The following PCP4 variants were observed in gnomAD, a reference collection of about 807,000 sequenced individuals.
PCP4 encodes Purkinje cell protein 4, also known as calmodulin regulator protein PCP4.
PCP4 carries 8 observed loss-of-function variants against 10.0 expected under a neutral mutation model. The ratio of observed to expected loss-of-function variants is 0.80; its 90% CI spans 0.47 to 1.45. The LOEUF is 1.45. Ranked by LOEUF, PCP4 falls within the 40% of genes most tolerant of loss-of-function variation. The pLI is 0.00. For missense variants in PCP4, 54 were observed against 74.4 expected, an observed-to-expected ratio of 0.73 and a Z score of 1.01; for synonymous variants, 21 against 23.0, an observed-to-expected ratio of 0.91 and a Z score of 0.24.
At chr21:39,895,091 C>T (rs1253497618) in intron 1 of PCP4, among the ~76,000 whole-genome samples, 1 of 151,800 alleles carries the variant, frequency 6.6e-6, no homozygotes, top group Non-Finnish European at 1.5e-5. Context: ...ATCCACCCAC[C>T]CATCCATCCA....
chr21:39,918,343 T>C (rs1437719567), intron 2 of PCP4, among the ~76,000 whole-genome samples: 1 of 152,188 alleles, frequency 6.6e-6, no homozygotes, highest in Non-Finnish European at 1.5e-5. Flanking sequence ...GCATTTTATA[T>C]AAGCCAGGGT....
At position 39,884,617 on chromosome 21, in the gene PCP4, C is replaced by T. The variant is rs536700783; in HGVS notation, c.10-13859C>T. Among the ~76,000 whole-genome samples, 31 of 151,838 alleles carry T rather than the reference C, an allele frequency of 2.0e-4. No homozygotes were observed. In the South Asian group the frequency reaches 6.5e-3, roughly 32 times the overall value. On this transcript the variant is annotated intron_variant, in intron 1 of 2. Transcript: ENST00000328619. ...TTCGAGACCAGCCTGGCCAACATGG[C>T]AAAACCTTGTCTCTACTAAAATTAC... is the stretch of plus-strand genomic sequence containing the variant.
chr21:39,909,944 C>T (rs1159634948), intron 2 of PCP4, among the ~76,000 whole-genome samples: 1 of 151,914 alleles, frequency 6.6e-6, no homozygotes, highest in Admixed American at 6.6e-5. Flanking sequence ...TACAGGCGCC[C>T]GCCACCACGT....
At chr21:39,869,377 G>A (rs575439717) in intron 1 of PCP4, among the ~76,000 whole-genome samples, 1 of 152,350 alleles carries the variant, frequency 6.6e-6, no homozygotes, top group Admixed American at 6.5e-5. Flanking sequence ...CGGGTAATCA[G>A]GGCAGCTCTG....
chr21:39,867,439 G>T lies in PCP4; in HGVS notation c.-63G>T. ...GAGAAAAGCCAGAACCGGTGGAGCAGCGACCCCTGAGCAGTGTTCTCTGTG... is the reference window on the plus strand; with the variant it reads ...GAGAAAAGCCAGAACCGGTGGAGCATCGACCCCTGAGCAGTGTTCTCTGTG... On this transcript the variant is annotated 5_prime_UTR_variant, in exon 1 of 3. Transcript: ENST00000328619. The T allele has an allele frequency of 6.2e-7, 1 of 1,603,026 alleles. No individual in the cohort carries two copies. Among genetic ancestry groups the T allele is most frequent in the East Asian group, 2.2e-5 (1 of 44,806 alleles).
At chr21:39,910,796 A>C (rs2087536152) in intron 2 of PCP4, among the ~76,000 whole-genome samples, 1 of 152,200 alleles carries the variant, frequency 6.6e-6, no homozygotes, top group Admixed American at 6.5e-5. Flanking sequence ...CCCCGGTTGC[A>C]GGGCCCCTGA....
At chr21:39,872,811 G>A (rs1055444356) in intron 1 of PCP4, among the ~76,000 whole-genome samples, 1 of 152,144 alleles carries the variant, frequency 6.6e-6, no homozygotes, top group Non-Finnish European at 1.5e-5. Flanking sequence ...TGAGGCTTGT[G>A]GTTGGGATAC....
At chr21:39,914,987 T>C (rs2087561923) in intron 2 of PCP4, among the ~76,000 whole-genome samples, 1 of 152,122 alleles carries the variant, frequency 6.6e-6, no homozygotes, top group Admixed American at 6.5e-5. Context: ...ATAGACCTAG[T>C]GCAGAATGAA....
At chr21:39,894,607 T>C (rs1039098403) in intron 1 of PCP4, among the ~76,000 whole-genome samples, 3 of 152,230 alleles carry the variant, frequency 2.0e-5, no homozygotes, top group Admixed American at 6.5e-5. Context: ...CATGATACCA[T>C]TGAATCATTT....
chr21:39,868,163 C>A (rs2087303107), intron 1 of PCP4, among the ~76,000 whole-genome samples: 1 of 152,212 alleles, frequency 6.6e-6, no homozygotes, highest in Non-Finnish European at 1.5e-5. Context: ...CTGGGGCCAA[C>A]TGACAGCACG....
In PCP4 at chr21:39,906,980, T is replaced by C. The variant is rs1028881891; in HGVS notation, c.61+8453T>C. 6.6e-6 allele frequency among the ~76,000 whole-genome samples: 1 copy of C among 152,194 alleles called. No individual in the cohort carries two copies. The highest frequency in any genetic ancestry group is 2.4e-5 in the African/African-American group (1 of 41,448). ...TAAGTAGGTGAAACACTCATAATCT[T>C]ATTTATAGAATTAATGTGCACAGCA... On this transcript the variant is annotated intron_variant, in intron 2 of 2. Coordinates refer to ENST00000328619, the MANE Select transcript of PCP4 (RefSeq NM_006198.3). This position sits in a 1 kb window ranked among gnomAD's most constrained non-coding sequence, Gnocchi z 6.3.
chr21:39,887,810 T>G (rs7283548), intron 1 of PCP4, among the ~76,000 whole-genome samples: 1,918 of 152,328 alleles, frequency 0.013, 30 homozygotes, highest in African/African-American at 0.043. Flanking sequence ...CAGGCCTTTT[T>G]GTTTCTTTAT....
intron 2 of PCP4, among the ~76,000 whole-genome samples, chr21:39,914,573 C>CAAAAAAAAAAAAAAAAA (rs55775259): frequency 8.4e-6 from 1 of 118,936 alleles, no homozygotes; most frequent in Admixed American, 9.4e-5. Flanking sequence ...AGAGCTGTCT[C>CAAAAAAAAAAAAAAAAA]AAAAAAAAAA....
At chr21:39,898,593 G>C in intron 2 of PCP4, 66 bp downstream of exon 2, 1 of 1,262,138 alleles carries the variant, frequency 7.9e-7, no homozygotes. Context: ...TATGCAGCAG[G>C]TGCGGATCAT....
chr21:39,920,277 AGTGTGTGTGGTGT>A (rs933955431), intron 2 of PCP4, among the ~76,000 whole-genome samples: 22 of 54,878 alleles, frequency 4.0e-4, no homozygotes, highest in African/African-American at 1.6e-3. Context: ...TGTGTGGTGT[AGTGTGTGTGGTGT>A]GTGTGTGTGG....
At chr21:39,893,884 G>C (rs770150829) in intron 1 of PCP4, among the ~76,000 whole-genome samples, 1 of 152,212 alleles carries the variant, frequency 6.6e-6, no homozygotes, top group Admixed American at 6.5e-5. Flanking sequence ...GGGAGGGCCA[G>C]TGTCTCTGAT....
rs1161731337 is a variant in PCP4, at chr21:39,929,340, T to C, written c.*229T>C. 2.8e-6 allele frequency: 1 copy of C among 358,306 alleles called. No individual in the cohort carries two copies. Among genetic ancestry groups the C allele is most frequent in the Non-Finnish European group, 5.0e-6 (1 of 201,028 alleles). The allele number at this position is 358,306 out of a possible 1,614,324, so 22.2% of individuals were successfully genotyped here. ...CTATGTTTCTCTCCATTTTCATTCC[T>C]CCTGCAACTATTTTCCTTGATGTTG... is the stretch of plus-strand genomic sequence containing the variant. On this transcript the variant is annotated 3_prime_UTR_variant, in exon 3 of 3. Coordinates refer to ENST00000328619, the MANE Select transcript of PCP4 (RefSeq NM_006198.3).
intron 2 of PCP4, among the ~76,000 whole-genome samples, chr21:39,925,490 T>A (rs544602862): frequency 6.6e-6 from 1 of 152,318 alleles, no homozygotes; most frequent in South Asian, 2.1e-4. Flanking sequence ...GCGGACAAAG[T>A]CCCGGGCCTC....
chr21:39,903,867 C>CAAAAAAAAAAAAAAAAAAAA (rs1210365373), intron 2 of PCP4, among the ~76,000 whole-genome samples: 1 of 34,822 alleles, frequency 2.9e-5, no homozygotes, highest in Non-Finnish European at 5.9e-5. Context: ...GACTCCGTCT[C>CAAAAAAAAAAAAAAAAAAAA]AAAAAAAACA....
Sources: gnomAD v4.1 joint callset for allele counts (sites outside exome capture counted in the v4.1 genomes callset) on GRCh38, gnomAD v4.1.1 for gene constraint, Gnocchi (gnomAD v3.1) non-coding constraint, MANE v1.5 for transcripts, NCBI Gene and HGNC (gene_info 2026-07-23, HGNC 2026-07-21) for gene names.